The following PRIM2 variants were observed in gnomAD, a reference collection of about 807,000 sequenced individuals.
PRIM2 encodes the protein DNA primase subunit 2.
Under a neutral mutation model 67.3 loss-of-function variants are expected in PRIM2, and 39 were observed. The observed-to-expected ratio is 0.58, with a 90% CI of 0.45 to 0.76. PRIM2 has a LOEUF of 0.76. Among genes scored for constraint, PRIM2 ranks in the 30% least tolerant of loss-of-function variants. PRIM2 has a pLI of 0.00. For synonymous variants in PRIM2, 143 were observed against 198.7 expected, an observed-to-expected ratio of 0.72 and a Z score of 2.36; for missense variants, 398 against 598.7, an observed-to-expected ratio of 0.66 and a Z score of 3.50.
chr6:57,241,465 T>C, the PRIM2 span, among the ~76,000 whole-genome samples: 1 of 150,858 alleles, frequency 6.6e-6, no homozygotes, highest in African/African-American at 2.4e-5. Context: ...AGTTGATAGA[T>C]GTGTAAAACT....
At chr6:57,329,381 C>T (rs192168272) in intron 5 of PRIM2, among the ~76,000 whole-genome samples, 1 of 152,280 alleles carries the variant, frequency 6.6e-6, no homozygotes, top group African/African-American at 2.4e-5. Flanking sequence ...GTCCCAGCAT[C>T]ATTTGTTGAA....
intron 7 of PRIM2, among the ~76,000 whole-genome samples, chr6:57,454,631 T>C: frequency 6.6e-6 from 1 of 152,286 alleles, no homozygotes. Flanking sequence ...GGTGGTGATA[T>C]CCCCTTTATC....
At chr6:57,286,731 T>G in the PRIM2 span, among the ~76,000 whole-genome samples, 1 of 152,228 alleles carries the variant, frequency 6.6e-6, no homozygotes, top group South Asian at 2.1e-4. Flanking sequence ...CCCAAAGCAA[T>G]GGCAACAAAA....
At chr6:57,298,487 T>A in the PRIM2 span, among the ~76,000 whole-genome samples, 2 of 151,950 alleles carry the variant, frequency 1.3e-5, no homozygotes, top group African/African-American at 4.8e-5. Flanking sequence ...AGTGGAAGCT[T>A]GGGAAGGCTG....
chr6:57,334,939 A>T (rs533804480), intron 5 of PRIM2, among the ~76,000 whole-genome samples: 2 of 152,286 alleles, frequency 1.3e-5, no homozygotes, highest in South Asian at 4.1e-4. Context: ...CTGCATTTCC[A>T]TCTGAGGTAC....
chr6:57,252,368 A>G, the PRIM2 span, among the ~76,000 whole-genome samples: 1 of 152,182 alleles, frequency 6.6e-6, no homozygotes, highest in African/African-American at 2.4e-5. Context: ...GATAGTTACT[A>G]TTATTATTTC....
the PRIM2 span, among the ~76,000 whole-genome samples, chr6:57,257,978 A>T: frequency 6.6e-6 from 1 of 152,114 alleles, no homozygotes; most frequent in Non-Finnish European, 1.5e-5. Context: ...CTTCCCCAGG[A>T]TTCTCTCCAG....
At chr6:57,223,778 C>T in the PRIM2 span, among the ~76,000 whole-genome samples, 2 of 152,112 alleles carry the variant, frequency 1.3e-5, no homozygotes, top group Non-Finnish European at 2.9e-5. Context: ...CAACTTCACA[C>T]TCATTAAAAT....
At chr6:57,325,869 G>A in intron 4 of PRIM2, 56 bp from the exon 5 acceptor site, 25 of 1,488,172 alleles carry the variant, frequency 1.7e-5, no homozygotes, top group Non-Finnish European at 2.3e-5. Context: ...ACATTTCTTA[G>A]ATTTAATAAT....
At chr6:57,585,676 GTT>G (rs1412754660) in intron 10 of PRIM2, among the ~76,000 whole-genome samples, 4 of 152,076 alleles carry the variant, frequency 2.6e-5, no homozygotes, top group African/African-American at 9.7e-5. Flanking sequence ...AGGGTAGGGG[GTT>G]CTCTCTAAAC....
At chr6:57,466,994 G>T (rs1348769115) in intron 7 of PRIM2, among the ~76,000 whole-genome samples, 2 of 149,964 alleles carry the variant, frequency 1.3e-5, no homozygotes, top group Non-Finnish European at 3.0e-5. Flanking sequence ...TGGCACACCC[G>T]TATAATCCCA....
the PRIM2 span, among the ~76,000 whole-genome samples, chr6:57,227,747 T>C: frequency 3.2e-4 from 49 of 152,022 alleles, no homozygotes; most frequent in Non-Finnish European, 5.9e-4. Flanking sequence ...ATAAATAAAG[T>C]AGGTAAAGGT....
chr6:57,637,385 A>C (rs1777140307), intron 13 of PRIM2, among the ~76,000 whole-genome samples: 1 of 152,186 alleles, frequency 6.6e-6, no homozygotes, highest in Non-Finnish European at 1.5e-5. Context: ...CAGCAAGGGA[A>C]TAAAACCGGA....
At chr6:57,517,585 T>C (rs1171801652) in intron 8 of PRIM2, among the ~76,000 whole-genome samples, 10 of 152,216 alleles carry the variant, frequency 6.6e-5, no homozygotes, top group Non-Finnish European at 1.0e-4. Context: ...TAATGGTATC[T>C]GTATTTGATA....
chr6:57,597,838 C>T (rs1460528981), intron 10 of PRIM2, among the ~76,000 whole-genome samples: 1 of 152,040 alleles, frequency 6.6e-6, no homozygotes, highest in Non-Finnish European at 1.5e-5. Flanking sequence ...TATGGCCTGC[C>T]CACCTTTTGT....
At chr6:57,642,236 G>T (rs1777251259) in intron 13 of PRIM2, among the ~76,000 whole-genome samples, 2 of 152,060 alleles carry the variant, frequency 1.3e-5, no homozygotes, top group South Asian at 4.2e-4. Flanking sequence ...GTTTGGGGGG[G>T]TTGTGCTAGG....
chr6:57,625,061 A>G lies in PRIM2; in HGVS notation c.1231-7072A>G, dbSNP rs1255146182. On this transcript the variant is annotated intron_variant, in intron 12 of 13. Coordinates refer to ENST00000615550, the MANE Select transcript of PRIM2 (RefSeq NM_000947.5). Reference sequence around the variant, plus strand: ...TGGGGGAAACCGCCCACATGATTCAATTATCTCCCACCAGGTCCCTCCCAT... The same window carrying G: ...TGGGGGAAACCGCCCACATGATTCAGTTATCTCCCACCAGGTCCCTCCCAT... Among the ~76,000 whole-genome samples the G allele has an allele frequency of 1.1e-4, 17 of 152,292 alleles. No homozygotes were observed. The South Asian group carries it at 1.5e-3, about 13-fold the overall frequency.
chr6:57,400,219 T>C (rs1770660358), intron 7 of PRIM2, among the ~76,000 whole-genome samples: 1 of 152,378 alleles, frequency 6.6e-6, no homozygotes, highest in East Asian at 1.9e-4. Flanking sequence ...TATTTAAGTG[T>C]CTTTTTGTAT....
the PRIM2 span, among the ~76,000 whole-genome samples, chr6:57,229,097 T>C: frequency 6.6e-6 from 1 of 152,246 alleles, no homozygotes; most frequent in South Asian, 2.1e-4. Context: ...TTATTATATC[T>C]ACAGTATTTA....
Sources: gnomAD v4.1 joint callset for allele counts (sites outside exome capture counted in the v4.1 genomes callset) on GRCh38, gnomAD v4.1.1 for gene constraint, MANE v1.5 for transcripts, NCBI Gene and HGNC (gene_info 2026-07-23, HGNC 2026-07-21) for gene names.